PCOLCE2: variants seen among roughly 807,000 people sequenced by gnomAD.
The protein encoded by PCOLCE2 is procollagen C-proteinase enhancer 2.
A neutral mutation model predicts 47.0 loss-of-function variants in PCOLCE2; 42 were observed. The observed-to-expected ratio is 0.89, with a 90% confidence interval of 0.70 to 1.16. The LOEUF is 1.16. Ranked by LOEUF, PCOLCE2 falls within the 50% of genes most tolerant of loss-of-function variation. PCOLCE2 has a pLI of 0.00. For synonymous variants in PCOLCE2, 169 were observed against 191.7 expected (o/e 0.88, Z 0.98); for missense variants, 500 against 526.1 (o/e 0.95, Z 0.49).
intron 2 of PCOLCE2, among the ~76,000 whole-genome samples, chr3:142,860,285 G>C (rs544990156): frequency 2.0e-5 from 3 of 151,932 alleles, no homozygotes; most frequent in Non-Finnish European, 2.9e-5. Context: ...TTTGCTTCCT[G>C]TTATTCCCCC....
chr3:142,827,263 C>A, intron 6 of PCOLCE2: 1 of 1,249,846 alleles, frequency 8.0e-7, no homozygotes, highest in Non-Finnish European at 1.2e-6. Flanking sequence ...GGTTCATGGC[C>A]ACATCCCATA....
chr3:142,880,267 T>C (rs929224415), intron 2 of PCOLCE2, among the ~76,000 whole-genome samples: 5 of 150,724 alleles, frequency 3.3e-5, no homozygotes, highest in Non-Finnish European at 5.9e-5. Context: ...CAGTTAAGAT[T>C]GAAATTTAAG....
chr3:142,848,466 C>T lies in PCOLCE2; in HGVS notation c.199G>A (p.Glu67Lys), dbSNP rs770509532. The T allele has an allele frequency of 2.9e-5, 47 of 1,594,110 alleles. No individual in the cohort carries two copies. Among genetic ancestry groups the T allele is most frequent in the South Asian group, 1.9e-4 (17 of 90,076 alleles). The change falls in exon 3 of 9, where the codon GAA (glutamate) becomes AAA (lysine). Residue 67 changes from glutamate to lysine, a missense_variant. Coordinates refer to ENST00000295992, the MANE Select transcript of PCOLCE2 (RefSeq NM_013363.4). ...AAATTGAGAACGACTACTTTTCCTT[C>T]GGGAACCTGCCAAGAAAAGCGCCAA... ...SKCTWKITVPEGKVVVLNFRF... is the reference protein window; with the variant it reads ...SKCTWKITVPKGKVVVLNFRF...
chr3:142,837,822 T>G (rs1256739227), intron 5 of PCOLCE2, among the ~76,000 whole-genome samples: 29 of 152,208 alleles, frequency 1.9e-4, no homozygotes, highest in Admixed American at 1.9e-3. Flanking sequence ...TGTCACACAG[T>G]TATTAAGTGG....
intron 3 of PCOLCE2, 168 bp from the exon 4 acceptor site, chr3:142,843,216 C>CAA: frequency 2.8e-6 from 2 of 701,952 alleles, no homozygotes. Context: ...CATAACCCCC[C>CAA]AACACACACA....
Position 142,888,879 on chromosome 3 carries a change from G to A in PCOLCE2, c.18C>T (p.Ala6=), listed in dbSNP as rs1292197724. The A allele has an allele frequency of 2.0e-6, 3 of 1,530,008 alleles. No homozygotes were observed. Among genetic ancestry groups the A allele is most frequent in the South Asian group, 1.2e-5 (1 of 80,002 alleles). 94.8% of individuals were successfully genotyped at this position (1,530,008 alleles called of 1,614,324 possible). A position where few individuals can be genotyped will look rare whatever the true frequency, so the allele number is the denominator to read the frequency against. MRGAN[A]WAPLCLLLAA... is the part of the protein sequence containing the mutation. ...CCAGCAGCAGGCAGAGTGGCGCCCA[G>A]GCGTTCGCGCCCCTCATGGCAGCGT... Residue 6 remains alanine (A), a synonymous_variant, in exon 1 of 9, where the codon GCC becomes GCT. Transcript: ENST00000295992.
At chr3:142,860,523 C>G (rs1249790533) in intron 2 of PCOLCE2, among the ~76,000 whole-genome samples, 1 of 152,152 alleles carries the variant, frequency 6.6e-6, no homozygotes, top group Admixed American at 6.5e-5. Flanking sequence ...ATTCTCCTGC[C>G]TCAGCCCCCC....
intron 2 of PCOLCE2, among the ~76,000 whole-genome samples, chr3:142,859,732 A>G (rs1196628294): frequency 1.3e-5 from 2 of 151,998 alleles, no homozygotes; most frequent in Non-Finnish European, 2.9e-5. Flanking sequence ...CACCTGGCTA[A>G]TTTTTTGTAT....
rs1249726673 is a variant in PCOLCE2, at chr3:142,842,939, TACAATGTGCC to T, written c.548_557del (p.Trp183Ter). 1.5e-5 allele frequency: 24 copies of T among 1,614,020 alleles called. No homozygotes were observed. Among genetic ancestry groups the T allele is most frequent in the Non-Finnish European group, 1.9e-5 (22 of 1,179,990 alleles). ...GGAATCTCACCTGATTCTTTGGGGC[TACAATGTGCC>T]ACACACAAGTGACTCCTGCAGGGTA... On this transcript the variant is annotated frameshift_variant, in exon 4 of 9. Coordinates refer to ENST00000295992, the MANE Select transcript of PCOLCE2 (RefSeq NM_013363.4). LOFTEE classifies it high-confidence loss of function. The surrounding 1 kb of genome is among the most constrained non-coding windows in gnomAD (Gnocchi z 4.1).
chr3:142,824,523 TAGGA>T (rs1284221791), intron 6 of PCOLCE2, among the ~76,000 whole-genome samples: 1 of 152,234 alleles, frequency 6.6e-6, no homozygotes, highest in South Asian at 2.1e-4. Context: ...GACAATATGC[TAGGA>T]AGAACTAAAC....
chr3:142,858,319 A>G (rs1474952382), intron 2 of PCOLCE2, among the ~76,000 whole-genome samples: 4 of 152,248 alleles, frequency 2.6e-5, no homozygotes, highest in Non-Finnish European at 5.9e-5. Context: ...CCTGGCAGCC[A>G]GGCATCCAAA....
chr3:142,848,385 A>G lies in PCOLCE2; in HGVS notation c.280T>C (p.Tyr94His). The G allele has an allele frequency of 6.2e-7, 1 of 1,614,182 alleles. No homozygotes were observed. The highest frequency in any genetic ancestry group is 8.5e-7 in the Non-Finnish European group (1 of 1,179,972). Residue 94 changes from tyrosine to histidine, a missense_variant, in exon 3 of 9, where the codon TAC becomes CAC. Coordinates refer to ENST00000295992, the MANE Select transcript of PCOLCE2 (RefSeq NM_013363.4). ...NLCRYDFVDVYNGHANGQRIG... is the reference protein window; with the variant it reads ...NLCRYDFVDVHNGHANGQRIG... ...CGCTGGCCATTGGCATGGCCATTGT[A>G]CACATCCACAAAGTCATAGCGGCAC...
chr3:142,824,062 A>G (rs531191066), intron 6 of PCOLCE2, among the ~76,000 whole-genome samples: 1 of 152,352 alleles, frequency 6.6e-6, no homozygotes, highest in East Asian at 1.9e-4. Context: ...AAACATGAGT[A>G]GCATAGGTTT....
At chr3:142,830,755 TA>T (rs1236742678) in intron 5 of PCOLCE2, among the ~76,000 whole-genome samples, 2 of 152,184 alleles carry the variant, frequency 1.3e-5, no homozygotes, top group African/African-American at 2.4e-5. Flanking sequence ...ACACAATGGT[TA>T]AAAAAATGCT....
At position 142,888,796 on chromosome 3, in the gene PCOLCE2, G is replaced by C. The variant is rs1239716617; in HGVS notation, c.83+18C>G. On this transcript the variant is annotated intron_variant, in intron 1 of 8. Transcript: ENST00000295992. ...AAGGGAAAGGAGAGAAAGGGAGCCC[G>C]GGCAGGGGTCGCGTTACCTCTCTGG... is the stretch of plus-strand genomic sequence containing the variant. The C allele has an allele frequency of 2.1e-6, 3 of 1,444,990 alleles. 1 individual carries two copies. The South Asian group carries it at 4.2e-5, about 20-fold the overall frequency. 89.5% of individuals were successfully genotyped at this position (1,444,990 alleles called of 1,614,324 possible).
At chr3:142,862,273 C>A (rs898660964) in intron 2 of PCOLCE2, among the ~76,000 whole-genome samples, 1 of 152,180 alleles carries the variant, frequency 6.6e-6, no homozygotes. Context: ...AAACCAGGTG[C>A]CTCCAGCTCC....
intron 5 of PCOLCE2, among the ~76,000 whole-genome samples, chr3:142,831,779 T>C (rs1937155497): frequency 6.6e-6 from 1 of 152,248 alleles, no homozygotes; most frequent in Non-Finnish European, 1.5e-5. Flanking sequence ...CATGATGTTA[T>C]AATTATATGA....
intron 2 of PCOLCE2, among the ~76,000 whole-genome samples, chr3:142,885,854 T>C (rs1026057930): frequency 1.3e-5 from 2 of 152,220 alleles, no homozygotes; most frequent in Non-Finnish European, 2.9e-5. Flanking sequence ...TACAGAGTCC[T>C]GTTTACCTTC....
At chr3:142,883,988 C>T (rs1213447144) in intron 2 of PCOLCE2, among the ~76,000 whole-genome samples, 1 of 152,182 alleles carries the variant, frequency 6.6e-6, no homozygotes, top group Non-Finnish European at 1.5e-5. Context: ...GTGTTTATCA[C>T]CTCTAAATTC....
Sources: allele counts gnomAD v4.1 joint callset (sites outside exome capture counted in the v4.1 genomes callset), GRCh38; gene constraint gnomAD v4.1.1; non-coding constraint Gnocchi (gnomAD v3.1); transcripts MANE v1.5; gene names NCBI Gene and HGNC (gene_info 2026-07-23, HGNC 2026-07-21).